Variants in GPC5 observed in about 807,000 individuals in gnomAD.
GPC5 encodes glypican 5.
Under a neutral mutation model 53.9 loss-of-function variants are expected in GPC5, and 47 were observed. The observed-to-expected ratio is 0.87, with a 90% confidence interval of 0.69 to 1.11. The LOEUF (loss-of-function observed/expected upper bound fraction) is 1.11, where lower values mean the gene tolerates loss of function less well. Among genes scored for constraint, GPC5 ranks in the 50% most tolerant of loss-of-function variants. The pLI is 0.00. For synonymous variants in GPC5, 286 were observed against 263.3 expected (o/e 1.09, Z -0.84); for missense variants, 748 against 713.1 (o/e 1.05, Z -0.56).
In GPC5 at chr13:92,622,255, G is replaced by A. The variant is rs553320927; in HGVS notation, c.1562-244027G>A. On this transcript the variant is annotated intron_variant, in intron 7 of 7. Coordinates refer to ENST00000377067, the MANE Select transcript of GPC5 (RefSeq NM_004466.6). ...TGTCCTGAAGACCCAGCTCCTCCTG[G>A]AGGTCTGTCCTCAGCTACATCGCCA... 5.3e-5 allele frequency among the ~76,000 whole-genome samples: 8 copies of A among 152,306 alleles called. No individual in the cohort carries two copies. In the East Asian group the frequency reaches 5.8e-4, roughly 11 times the overall value.
chr13:92,478,644 G>A (rs1187497780), intron 7 of GPC5, among the ~76,000 whole-genome samples: 1 of 152,116 alleles, frequency 6.6e-6, no homozygotes, highest in Non-Finnish European at 1.5e-5. Flanking sequence ...TCAATAGGAA[G>A]AGAAAAGATA....
At chr13:91,593,777 C>T (rs2032892463) in intron 2 of GPC5, among the ~76,000 whole-genome samples, 1 of 152,040 alleles carries the variant, frequency 6.6e-6, no homozygotes, top group Non-Finnish European at 1.5e-5. Flanking sequence ...CGAATGTTTT[C>T]ATTTCATAAA....
intron 1 of GPC5, among the ~76,000 whole-genome samples, chr13:91,401,177 C>T (rs149282863): frequency 3.4e-4 from 52 of 152,176 alleles, no homozygotes; most frequent in African/African-American, 1.2e-3. Context: ...CCAAAAAAGG[C>T]ATTCATATAG....
chr13:92,656,525 T>C (rs1018757057), intron 7 of GPC5, among the ~76,000 whole-genome samples: 6 of 152,164 alleles, frequency 3.9e-5, no homozygotes, highest in Non-Finnish European at 5.9e-5. Flanking sequence ...CAGGAACCAA[T>C]GGGCTACATT....
intron 2 of GPC5, among the ~76,000 whole-genome samples, chr13:91,608,467 A>G (rs1463673413): frequency 6.6e-6 from 1 of 152,176 alleles, no homozygotes; most frequent in Admixed American, 6.5e-5. Flanking sequence ...CTATTATGTG[A>G]TGCTCAGCTT....
chr13:92,092,826 T>C (rs2041391517), intron 6 of GPC5, among the ~76,000 whole-genome samples: 1 of 152,158 alleles, frequency 6.6e-6, no homozygotes, highest in Non-Finnish European at 1.5e-5. Flanking sequence ...ATTTAACTGA[T>C]TAATAAATAA....
chr13:92,834,983 C>T (rs1265976266), intron 7 of GPC5, among the ~76,000 whole-genome samples: 1 of 152,084 alleles, frequency 6.6e-6, no homozygotes, highest in East Asian at 1.9e-4. Flanking sequence ...AAAAATCTTG[C>T]CCCTGTCAAT....
At chr13:91,676,031 T>A (rs985888465) in intron 2 of GPC5, among the ~76,000 whole-genome samples, 2 of 152,166 alleles carry the variant, frequency 1.3e-5, no homozygotes, top group African/African-American at 4.8e-5. Flanking sequence ...CTGAAGTAAC[T>A]CTTTGCCATA....
chr13:92,360,729 C>T (rs1283738926), intron 7 of GPC5, among the ~76,000 whole-genome samples: 1 of 151,654 alleles, frequency 6.6e-6, no homozygotes, highest in East Asian at 1.9e-4. Flanking sequence ...CTAGAAAACC[C>T]CATAGTCTTA....
intron 7 of GPC5, among the ~76,000 whole-genome samples, chr13:92,771,935 G>C (rs780281493): frequency 6.6e-6 from 1 of 151,840 alleles, no homozygotes. Context: ...CTCAACTAAG[G>C]CCTTAAATCT....
intron 5 of GPC5, among the ~76,000 whole-genome samples, chr13:91,772,849 T>C (rs2037649019): frequency 6.6e-6 from 1 of 152,064 alleles, no homozygotes; most frequent in African/African-American, 2.4e-5. Context: ...TTTAAGGAGC[T>C]CTCCAGATGA....
intron 7 of GPC5, among the ~76,000 whole-genome samples, chr13:92,221,572 A>G (rs966658301): frequency 3.3e-5 from 5 of 151,998 alleles, no homozygotes; most frequent in Non-Finnish European, 4.4e-5. Context: ...CATGACTTCA[A>G]TTTTGCTCCC....
intron 7 of GPC5, among the ~76,000 whole-genome samples, chr13:92,198,448 C>T (rs1423475002): frequency 6.6e-6 from 1 of 152,148 alleles, no homozygotes. Context: ...GATTTCCCCA[C>T]AGCATTCTAA....
chr13:92,777,621 A>G (rs1239167331), intron 7 of GPC5, among the ~76,000 whole-genome samples: 2 of 152,162 alleles, frequency 1.3e-5, no homozygotes, highest in Non-Finnish European at 2.9e-5. Context: ...CCGTCTCAAA[A>G]CAAAACAAAA....
chr13:91,902,923 T>C (rs2039512749), intron 5 of GPC5, among the ~76,000 whole-genome samples: 1 of 152,008 alleles, frequency 6.6e-6, no homozygotes, highest in Non-Finnish European at 1.5e-5. Flanking sequence ...ATTTGTCTAT[T>C]GTAAACATAT....
At chr13:92,252,564 C>G (rs769528733) in intron 7 of GPC5, among the ~76,000 whole-genome samples, 2 of 151,892 alleles carry the variant, frequency 1.3e-5, no homozygotes. Flanking sequence ...AGTAAAAATA[C>G]ATCTATAGAT....
At chr13:91,710,681 T>C (rs1244521399) in intron 3 of GPC5, among the ~76,000 whole-genome samples, 3 of 152,188 alleles carry the variant, frequency 2.0e-5, no homozygotes, top group African/African-American at 7.2e-5. Context: ...CAGCCCAAGC[T>C]GCCCAGGGCC....
intron 6 of GPC5, among the ~76,000 whole-genome samples, chr13:91,920,692 T>C (rs867256462): frequency 1.6e-4 from 24 of 152,050 alleles, no homozygotes; most frequent in African/African-American, 5.3e-4. Context: ...AAACCCAAAA[T>C]TGATTGCATA....
intron 6 of GPC5, among the ~76,000 whole-genome samples, chr13:92,038,697 GA>G (rs1566407150): frequency 1.3e-5 from 2 of 151,668 alleles, no homozygotes; most frequent in Non-Finnish European, 2.9e-5. Flanking sequence ...TAGATAGATA[GA>G]TAGATAGATA....
Sources: gnomAD v4.1 joint callset for allele counts (sites outside exome capture counted in the v4.1 genomes callset) on GRCh38, gnomAD v4.1.1 for gene constraint, MANE v1.5 for transcripts, NCBI Gene and HGNC (gene_info 2026-07-23, HGNC 2026-07-21) for gene names.